Variants in DERL2 observed in about 807,000 individuals in gnomAD.
DERL2 encodes the protein derlin 2.
Under a neutral mutation model 32.0 loss-of-function variants are expected in DERL2, and 13 were observed. The observed-to-expected ratio is 0.41, with a 90% CI of 0.26 to 0.65. The LOEUF is 0.65. Among genes scored for constraint, DERL2 ranks in the 30% least tolerant of loss-of-function variants. DERL2 has a pLI of 0.35. For missense variants in DERL2, 208 were observed against 296.3 expected, an observed-to-expected ratio of 0.70 and a Z score of 2.19; for synonymous variants, 111 against 104.7, an observed-to-expected ratio of 1.06 and a Z score of -0.37.
Position 5,480,544 on chromosome 17 carries a change from C to T in DERL2, c.366G>A (p.Gln122=), listed in dbSNP as rs1238275268. The change falls in exon 5 of 7, where the codon CAG becomes CAA. Residue 122 remains glutamine, a synonymous_variant. Coordinates refer to ENST00000158771, the MANE Select transcript of DERL2 (RefSeq NM_016041.5). ...GLFVSLVFLG[Q]AFTIMLVYVW... is the part of the protein sequence containing the mutation. ...CATAGACGAGCATTATTGTAAAGGC[C>T]TGGCCCAAGAAAACTAAGCTCACAA... 1 of 1,555,882 alleles carries T rather than the reference C, an allele frequency of 6.4e-7. No individual in the cohort carries two copies. The highest frequency in any genetic ancestry group is 1.2e-5 in the South Asian group (1 of 82,070).
chr17:5,478,221 G>A (rs1434371821), intron 6 of DERL2, among the ~76,000 whole-genome samples: 2 of 152,000 alleles, frequency 1.3e-5, no homozygotes, highest in Non-Finnish European at 2.9e-5. Context: ...ATTTAAGAAA[G>A]AAAATAAGCA....
At position 5,476,650 on chromosome 17, in the gene DERL2, G is replaced by A. The variant is rs141136452; in HGVS notation, c.615-1861C>T. ...TACAAAATTAGCCGGGTGTGGTGGC[G>A]CATGCCTATGATCCCAGCTACTAGG... On this transcript the variant is annotated intron_variant, in intron 6 of 6. Transcript: ENST00000158771. Among the ~76,000 whole-genome samples the A allele has an allele frequency of 8.5e-4, 129 of 152,200 alleles. 1 individual carries two copies. The highest frequency in any genetic ancestry group is 3.4e-3 in the Middle Eastern group (1 of 292).
At position 5,481,206 on chromosome 17, in the gene DERL2, G is replaced by T; in HGVS notation, c.327+90C>A. 1 of 955,734 alleles carries T rather than the reference G, an allele frequency of 1.0e-6. No individual in the cohort carries two copies. The highest frequency in any genetic ancestry group is 1.7e-6 in the Non-Finnish European group (1 of 592,402). The allele number at this position is 955,734 out of a possible 1,614,324, so 59.2% of individuals were successfully genotyped here. ...ATAAATGATAGTGCCCTGAAGCTAAGATCTAGAGAACTGTGGGAGACAGAT... is the reference window on the plus strand; with the variant it reads ...ATAAATGATAGTGCCCTGAAGCTAATATCTAGAGAACTGTGGGAGACAGAT... On this transcript the variant is annotated intron_variant, in intron 4 of 6. Transcript: ENST00000158771. The surrounding 1 kb of genome is among the most constrained non-coding windows in gnomAD (Gnocchi z 4.4).
chr17:5,478,890 G>C (rs1185867228), intron 6 of DERL2, among the ~76,000 whole-genome samples: 1 of 152,188 alleles, frequency 6.6e-6, no homozygotes, highest in African/African-American at 2.4e-5. Context: ...TGCGATCTCG[G>C]CTCACTGCAG....
intron 2 of DERL2, among the ~76,000 whole-genome samples, chr17:5,483,356 A>G (rs1905930532): frequency 6.6e-6 from 1 of 151,874 alleles, no homozygotes; most frequent in African/African-American, 2.4e-5. Context: ...ACTTAAAAAA[A>G]AAAAAAAAGA....
At chr17:5,486,803 TGAA>T (rs1304859710), upstream of DERL2, 1 of 152,478 alleles carries the variant, frequency 6.6e-6, no homozygotes, top group African/African-American at 2.4e-5. Flanking sequence ...GCCTCCGACC[TGAA>T]GATCCCAGCA....
intron 5 of DERL2, 120 bp downstream of exon 5, chr17:5,480,267 C>T: frequency 8.1e-7 from 1 of 1,234,386 alleles, no homozygotes; most frequent in Non-Finnish European, 1.1e-6. Context: ...AATTAATGAA[C>T]TAATATTGTG....
chr17:5,477,351 GA>G (rs1057298803), intron 6 of DERL2, among the ~76,000 whole-genome samples: 1 of 152,130 alleles, frequency 6.6e-6, no homozygotes, highest in Non-Finnish European at 1.5e-5. Context: ...CTTCTTGGGG[GA>G]CAGGTACAAT....
chr17:5,486,182 C>G (rs1196138060), upstream of DERL2: 2 of 999,970 alleles, frequency 2.0e-6, no homozygotes, highest in Non-Finnish European at 2.8e-6. Context: ...GTCGCCTGCC[C>G]CACCCCCCAC....
At position 5,474,118 on chromosome 17, in the gene DERL2, A is replaced by G. The variant is rs1905246882; in HGVS notation, c.*566T>C. ...GAATCTTGCATTCTGAGTTAGTAAG[A>G]TGTACACAACCACAGCATGACAGCC... On this transcript the variant is annotated 3_prime_UTR_variant, in exon 7 of 7. Transcript: ENST00000158771. This position sits in a 1 kb window ranked among gnomAD's most constrained non-coding sequence, Gnocchi z 4.3. 6.6e-6 allele frequency: 1 copy of G among 152,210 alleles called. No homozygotes were observed. Among genetic ancestry groups the G allele is most frequent in the Admixed American group, 6.5e-5 (1 of 15,290 alleles). The allele number at this position is 152,210 out of a possible 1,614,324, so 9.4% of individuals were successfully genotyped here. A position where few individuals can be genotyped will look rare whatever the true frequency, so the allele number is the denominator to read the frequency against.
intron 4 of DERL2, chr17:5,480,976 T>A: frequency 1.8e-6 from 1 of 549,306 alleles, no homozygotes; most frequent in Non-Finnish European, 3.2e-6. Flanking sequence ...TAGATGAAAA[T>A]TCTTTTTCTG....
At chr17:5,479,433 AAG>A (rs1481467003) in intron 6 of DERL2, among the ~76,000 whole-genome samples, 8 of 150,430 alleles carry the variant, frequency 5.3e-5, no homozygotes, top group African/African-American at 2.0e-4. Context: ...CCAGAGTAGA[AAG>A]AGGTCTCATA....
In DERL2 at chr17:5,480,162, T is replaced by C; in HGVS notation, c.524-18A>G. The C allele has an allele frequency of 6.5e-7, 1 of 1,537,702 alleles. No individual in the cohort carries two copies. The highest frequency in any genetic ancestry group is 9.0e-7 in the Non-Finnish European group (1 of 1,115,684). ...TGCAATACCTAGAGTCAAGCAGAAATAAAGGATGAGGGAGAGAATTAAAAT... is the reference window on the plus strand; with the variant it reads ...TGCAATACCTAGAGTCAAGCAGAAACAAAGGATGAGGGAGAGAATTAAAAT... On this transcript the variant is annotated intron_variant, in intron 5 of 6. Transcript: ENST00000158771.
intron 6 of DERL2, among the ~76,000 whole-genome samples, chr17:5,479,496 T>TAAAAAAAA (rs11306765): frequency 6.6e-3 from 459 of 69,322 alleles, no homozygotes; most frequent in Non-Finnish European, 0.011. Flanking sequence ...AGACTCCATG[T>TAAAAAAAA]AAAAAAAAAA....
At position 5,478,273 on chromosome 17, in the gene DERL2, G is replaced by A. The variant is rs569812696; in HGVS notation, c.614+1781C>T. Among the ~76,000 whole-genome samples, 9 of 152,308 alleles carry A rather than the reference G, an allele frequency of 5.9e-5. No individual in the cohort carries two copies. The Middle Eastern group carries it at 0.017, about 288-fold the overall frequency. ...ACCTGTAGTCCCAGCTACTCAGGAG[G>A]CTGAGGTGGGAGGATCACTTGAGCC... On this transcript the variant is annotated intron_variant, in intron 6 of 6. Transcript: ENST00000158771.
In DERL2 at chr17:5,473,844, A is replaced by C. The variant is rs1339433276; in HGVS notation, c.*840T>G. On this transcript the variant is annotated 3_prime_UTR_variant, in exon 7 of 7. Coordinates refer to ENST00000158771, the MANE Select transcript of DERL2 (RefSeq NM_016041.5). The stretch of plus-strand genomic sequence containing the variant: ...TAAAAATAAAAGAAAAAAAAAGTCT[A>C]ATGAAAATCTTCCTAGTTTTACAAA... 1 of 152,126 alleles carries C rather than the reference A, an allele frequency of 6.6e-6. No homozygotes were observed. The highest frequency in any genetic ancestry group is 1.9e-4 in the East Asian group (1 of 5,202). 9.4% of individuals were successfully genotyped at this position (152,126 alleles called of 1,614,324 possible).
chr17:5,477,424 T>G (rs1339492998), intron 6 of DERL2, among the ~76,000 whole-genome samples: 4 of 152,240 alleles, frequency 2.6e-5, no homozygotes, highest in African/African-American at 9.6e-5. Flanking sequence ...TCTTGATAGA[T>G]ACACAGATGT....
At chr17:5,479,496 TA>T (rs11306765) in intron 6 of DERL2, among the ~76,000 whole-genome samples, 4,017 of 69,042 alleles carry the variant, frequency 0.058, 23 homozygotes, top group East Asian at 0.14. Flanking sequence ...AGACTCCATG[TA>T]AAAAAAAAAA....
At chr17:5,476,444 G>A (rs989765857) in intron 6 of DERL2, among the ~76,000 whole-genome samples, 1 of 152,168 alleles carries the variant, frequency 6.6e-6, no homozygotes, top group African/African-American at 2.4e-5. Context: ...GTCAATAAAC[G>A]TGAGAATGTT....
Sources: gnomAD v4.1 joint callset for allele counts (sites outside exome capture counted in the v4.1 genomes callset) on GRCh38, gnomAD v4.1.1 for gene constraint, Gnocchi (gnomAD v3.1) non-coding constraint, MANE v1.5 for transcripts, NCBI Gene and HGNC (gene_info 2026-07-23, HGNC 2026-07-21) for gene names.